CANX: variants seen among roughly 807,000 people sequenced by gnomAD.
The protein encoded by CANX is calnexin, also known as epididymis secretory sperm binding protein.
CANX carries 14 observed loss-of-function variants against 75.7 expected under a neutral mutation model. That is an observed-to-expected ratio of 0.19 (90% CI 0.12 to 0.29). The LOEUF is 0.29. Ranked by LOEUF, CANX falls within the 10% of genes least tolerant of loss-of-function variation. CANX has a pLI of 1.00. For synonymous variants in CANX, 227 were observed against 236.9 expected (o/e 0.96, Z 0.38); for missense variants, 567 against 713.2 (o/e 0.79, Z 2.34).
rs753364875 is a variant in CANX, at chr5:179,699,013, C to G, written c.-93C>G. 6.3e-6 allele frequency: 7 copies of G among 1,113,340 alleles called. No homozygotes were observed. The East Asian group carries it at 3.9e-4, about 63-fold the overall frequency. The allele number at this position is 1,113,340 out of a possible 1,614,324, so 69.0% of individuals were successfully genotyped here. A position where few individuals can be genotyped will look rare whatever the true frequency, so the allele number is the denominator to read the frequency against. On this transcript the variant is annotated 5_prime_UTR_variant, in exon 1 of 15. Coordinates refer to ENST00000247461, the MANE Select transcript of CANX (RefSeq NM_001746.4). ...GTTCTGCGGCACGTGACGGTCGGGC[C>G]GCCTCCGCCTCTCTCTTTACTGCGG...
At chr5:179,717,175 T>G (rs1778012743) in intron 8 of CANX, among the ~76,000 whole-genome samples, 2 of 152,214 alleles carry the variant, frequency 1.3e-5, no homozygotes, top group Admixed American at 1.3e-4. Flanking sequence ...GCTTAGCAAT[T>G]ACATTCTAGA....
At position 179,728,668 on chromosome 5, in the gene CANX, T is replaced by C. The variant is rs756569666; in HGVS notation, c.*24T>C. ...GAAACAATCTTAAGAGCTTGATCTG[T>C]GATTTCTTCTCCCTCCTCCCCTGCA... On this transcript the variant is annotated 3_prime_UTR_variant, in exon 15 of 15. Transcript: ENST00000247461. 2 of 1,562,838 alleles carry C rather than the reference T, an allele frequency of 1.3e-6. No homozygotes were observed. The highest frequency in any genetic ancestry group is 1.8e-6 in the Non-Finnish European group (2 of 1,133,846).
Position 179,705,764 on chromosome 5 carries a change from T to A in CANX, c.83T>A (p.Val28Glu). The change falls in exon 2 of 15, where the codon GTG becomes GAG. Residue 28 changes from valine (V) to glutamate (E), a missense_variant. By Grantham distance (121) the Val-to-Glu change is moderately radical. Transcript: ENST00000247461. ...GCTCATGATGGACATGATGATGATG[T>A]GATTGATATTGAGGATGACCTTGAC... ...VEAHDGHDDD[V>E]IDIEDDLDDV... 4.4e-6 allele frequency: 7 copies of A among 1,608,942 alleles called. No individual in the cohort carries two copies. The highest frequency in any genetic ancestry group is 6.0e-6 in the Non-Finnish European group (7 of 1,175,286).
At chr5:179,715,404 C>T (rs190238986) in intron 7 of CANX, among the ~76,000 whole-genome samples, 7 of 152,072 alleles carry the variant, frequency 4.6e-5, no homozygotes, top group South Asian at 2.1e-4. Context: ...CATGGTGGCA[C>T]GGGGCCGTCT....
At position 179,707,265 on chromosome 5, in the gene CANX, C is replaced by T. The variant is rs937298316; in HGVS notation, c.304+75C>T. ...GTTGTCTCCATGGCATTTCCTAAGA[C>T]TAGTTTAAAAGGACATAGTAGGCTT... On this transcript the variant is annotated intron_variant, in intron 4 of 14. Transcript: ENST00000247461. The T allele has an allele frequency of 1.1e-5, 10 of 886,956 alleles. No individual in the cohort carries two copies. The South Asian group carries it at 1.3e-4, about 12-fold the overall frequency. The allele number at this position is 886,956 out of a possible 1,614,324, so 54.9% of individuals were successfully genotyped here.
In CANX at chr5:179,678,836, C is replaced by T. The variant is rs182438589; in HGVS notation, c.-4+59C>T. ...GGACCGCTGCACCTGCGCCTTCCAG[C>T]CCCAGGCGGTCCGCGAGAGCAGCGG... On this transcript the variant is annotated intron_variant, in intron 1 of 14. Transcript: ENST00000681674. 59 of 1,536,972 alleles carry T rather than the reference C, an allele frequency of 3.8e-5. No individual in the cohort carries two copies. The Admixed American group carries it at 1.1e-3, about 28-fold the overall frequency.
intron 14 of CANX, 33 bp from the exon 15 acceptor site, chr5:179,728,558 G>A: frequency 7.9e-7 from 1 of 1,259,412 alleles, no homozygotes; most frequent in South Asian, 1.2e-5. Flanking sequence ...TTTTAAATGT[G>A]CTAATTATAA....
chr5:179,681,156 C>T (rs944055217), intron 1 of CANX, among the ~76,000 whole-genome samples: 10 of 152,188 alleles, frequency 6.6e-5, no homozygotes, highest in Non-Finnish European at 1.3e-4. Context: ...ACTCTGGGCT[C>T]TCCCCTGCAT....
At chr5:179,680,584 C>G (rs1215585086) in intron 1 of CANX, among the ~76,000 whole-genome samples, 1 of 152,128 alleles carries the variant, frequency 6.6e-6, no homozygotes, top group Non-Finnish European at 1.5e-5. Context: ...GGATTGTGCA[C>G]ACTAAACATG....
intron 7 of CANX, among the ~76,000 whole-genome samples, chr5:179,715,197 G>T (rs1278007199): frequency 1.3e-5 from 2 of 152,158 alleles, no homozygotes; most frequent in African/African-American, 4.8e-5. Flanking sequence ...TCTAGGTGTG[G>T]AATCTGGGCT....
Position 179,711,354 on chromosome 5 carries a change from C to T in CANX, c.721+1289C>T, listed in dbSNP as rs376559600. 6.8e-4 allele frequency among the ~76,000 whole-genome samples: 102 copies of T among 150,716 alleles called. 1 individual carries two copies. The highest frequency in any genetic ancestry group is 3.6e-3 in the Middle Eastern group (1 of 280). ...TGAGGATTGCTTGAGCCCAGGAAGT[C>T]GAGACTGTAGTGAGCCATGATCTTG... On this transcript the variant is annotated intron_variant, in intron 7 of 14. Transcript: ENST00000247461.
intron 13 of CANX, among the ~76,000 whole-genome samples, chr5:179,725,256 G>C (rs1778570134): frequency 1.3e-5 from 2 of 152,062 alleles, no homozygotes. Context: ...GCCCAGGCTG[G>C]AGTGCAGTGG....
rs11461581 is a variant in CANX, at chr5:179,682,709, C to CAAA, written c.-4+3949_-4+3951dup. 1.2e-3 allele frequency among the ~76,000 whole-genome samples: 114 copies of CAAA among 97,752 alleles called. 2 individuals carry two copies. The highest frequency in any genetic ancestry group is 3.9e-3 in the African/African-American group (98 of 24,972). 64.1% of individuals were successfully genotyped at this position (97,752 alleles called of 152,430 possible). A position where few individuals can be genotyped will look rare whatever the true frequency, so the allele number is the denominator to read the frequency against. ...TGGGTGACAGAGCGAGACTCTGTCT[C>CAAA]AAAAAAAAAAAAAAAAAAACCCTAA... is the stretch of plus-strand genomic sequence containing the variant. On this transcript the variant is annotated intron_variant, in intron 1 of 14. Transcript: ENST00000681674.
chr5:179,688,865 CT>C (rs945957684), intron 1 of CANX, among the ~76,000 whole-genome samples: 1 of 151,520 alleles, frequency 6.6e-6, no homozygotes, highest in African/African-American at 2.4e-5. Context: ...AAAAGGATAA[CT>C]TGAGGCCAGG....
chr5:179,721,587 A>G (rs528851421), intron 10 of CANX, among the ~76,000 whole-genome samples: 37 of 152,284 alleles, frequency 2.4e-4, no homozygotes, highest in African/African-American at 8.9e-4. Flanking sequence ...AAGTCAGCTC[A>G]CTGCTTGGCC....
chr5:179,711,732 T>G (rs1307553661), intron 7 of CANX, among the ~76,000 whole-genome samples: 1 of 142,876 alleles, frequency 7.0e-6, no homozygotes, highest in African/African-American at 2.7e-5. Context: ...GAGGTTGCAG[T>G]GAGCCAGATT....
upstream of CANX, chr5:179,698,546 G>A: frequency 1.6e-6 from 2 of 1,289,420 alleles, no homozygotes; most frequent in Non-Finnish European, 2.0e-6. Flanking sequence ...GCTGCCGTTT[G>A]CCCCGTCAGC....
chr5:179,711,088 T>A (rs941403765), intron 7 of CANX, among the ~76,000 whole-genome samples: 4 of 151,956 alleles, frequency 2.6e-5, no homozygotes, highest in South Asian at 2.1e-4. Context: ...CTCTTCACTT[T>A]AGTATCTTAG....
chr5:179,703,610 T>C (rs1048439052), intron 1 of CANX, among the ~76,000 whole-genome samples: 1 of 152,046 alleles, frequency 6.6e-6, no homozygotes, highest in African/African-American at 2.4e-5. Flanking sequence ...GCTAAATTTT[T>C]CTTTTTTTGA....
Sources: gnomAD v4.1 joint callset for allele counts (sites outside exome capture counted in the v4.1 genomes callset) on GRCh38, gnomAD v4.1.1 for gene constraint, MANE v1.5 for transcripts, NCBI Gene and HGNC (gene_info 2026-07-23, HGNC 2026-07-21) for gene names.